The following PRKN variants were observed in gnomAD, a reference collection of about 807,000 sequenced individuals.
The protein encoded by PRKN is parkin RBR E3 ubiquitin protein ligase.
PRKN carries 56 observed loss-of-function variants against 59.5 expected under a neutral mutation model. The observed-to-expected ratio is 0.94, with a 90% CI of 0.76 to 1.18. The LOEUF is 1.18. Among genes scored for constraint, PRKN ranks in the 50% most tolerant of loss-of-function variants. The pLI is 0.00. For synonymous variants in PRKN, 250 were observed against 222.1 expected (o/e 1.13, Z -1.12); for missense variants, 657 against 596.4 (o/e 1.10, Z -1.06).
At chr6:162,402,490 G>C (rs1183118235) in intron 2 of PRKN, among the ~76,000 whole-genome samples, 2 of 151,798 alleles carry the variant, frequency 1.3e-5, no homozygotes, top group African/African-American at 2.4e-5. Flanking sequence ...AGGGCTCTTA[G>C]CTTAATTCAT....
At chr6:161,776,709 A>G (rs952079978) in intron 7 of PRKN, among the ~76,000 whole-genome samples, 1 of 152,150 alleles carries the variant, frequency 6.6e-6, no homozygotes, top group Admixed American at 6.5e-5. Flanking sequence ...ACTGAAAAGC[A>G]TATCTGGGGT....
At chr6:161,777,683 A>AT (rs1219188620) in intron 7 of PRKN, among the ~76,000 whole-genome samples, 1 of 143,420 alleles carries the variant, frequency 7.0e-6, no homozygotes, top group African/African-American at 2.6e-5. Flanking sequence ...ATATATATAT[A>AT]ATATATATAT....
rs1330377189 is a variant in PRKN at position 161,428,750 on chromosome 6, C to G, written c.1084-41873G>C. On this transcript the variant is annotated intron_variant, in intron 9 of 11. Transcript: ENST00000366898. This position sits in a 1 kb window ranked among gnomAD's most constrained non-coding sequence, Gnocchi z 4.0. ...TTCTTTCATTTTTCTGCCTGAGTAC[C>G]TCTACCTTGGAAAACCTCCATCTTG... Among the ~76,000 whole-genome samples the G allele has an allele frequency of 6.6e-6, 1 of 152,162 alleles. No homozygotes were observed. Among genetic ancestry groups the G allele is most frequent in the Non-Finnish European group, 1.5e-5 (1 of 68,038 alleles).
At chr6:162,285,293 C>T (rs1048940878) in intron 2 of PRKN, among the ~76,000 whole-genome samples, 14 of 97,400 alleles carry the variant, frequency 1.4e-4, no homozygotes, top group Non-Finnish European at 1.8e-4. Context: ...TTTTTTTTTC[C>T]GAGAGGGCCT....
At position 161,581,901 on chromosome 6, in the gene PRKN, A is replaced by T. The variant is rs1228262968; in HGVS notation, c.872-12485T>A. Among the ~76,000 whole-genome samples, 1 of 152,206 alleles carries T rather than the reference A, an allele frequency of 6.6e-6. No individual in the cohort carries two copies. The stretch of plus-strand genomic sequence containing the variant: ...ACTGCGCAGAGAGCTGAGGACACAC[A>T]TTAATGAAACAGTCCACTCTTCACA... On this transcript the variant is annotated intron_variant, in intron 7 of 11. Coordinates refer to ENST00000366898, the MANE Select transcript of PRKN (RefSeq NM_004562.3). This position sits in a 1 kb window ranked among gnomAD's most constrained non-coding sequence, Gnocchi z 4.5.
At chr6:162,623,850 T>C (rs1291504746) in intron 1 of PRKN, among the ~76,000 whole-genome samples, 1 of 152,106 alleles carries the variant, frequency 6.6e-6, no homozygotes, top group African/African-American at 2.4e-5. Context: ...AAAACTGAAG[T>C]ACAGTTGTTT....
chr6:162,256,159 C>T (rs1779631345), intron 3 of PRKN, among the ~76,000 whole-genome samples: 1 of 152,002 alleles, frequency 6.6e-6, no homozygotes, highest in African/African-American at 2.4e-5. Context: ...GAGTTTGGGC[C>T]TGATTCTGTG....
chr6:162,726,578 A>T (rs989067995), intron 1 of PRKN, among the ~76,000 whole-genome samples: 4 of 152,206 alleles, frequency 2.6e-5, no homozygotes, highest in African/African-American at 7.2e-5. Flanking sequence ...GATGGGGAGA[A>T]TGTTTACATT....
chr6:161,673,207 A>T (rs1784971210), intron 7 of PRKN, among the ~76,000 whole-genome samples: 1 of 152,192 alleles, frequency 6.6e-6, no homozygotes, highest in Non-Finnish European at 1.5e-5. Flanking sequence ...GGCAAGACAG[A>T]GCCCACCATG....
intron 6 of PRKN, among the ~76,000 whole-genome samples, chr6:161,802,017 C>T (rs1026343381): frequency 2.0e-5 from 3 of 152,120 alleles, no homozygotes; most frequent in Middle Eastern, 3.2e-3. Flanking sequence ...GTGACATACA[C>T]AAACAAGGAA....
intron 7 of PRKN, among the ~76,000 whole-genome samples, chr6:161,744,885 T>C (rs893016295): frequency 3.3e-5 from 5 of 152,222 alleles, no homozygotes; most frequent in Admixed American, 3.3e-4. Flanking sequence ...CTCCCATTAT[T>C]ACCACATGCT....
intron 9 of PRKN, among the ~76,000 whole-genome samples, chr6:161,452,427 CA>C (rs1287121270): frequency 6.6e-6 from 1 of 152,202 alleles, no homozygotes; most frequent in African/African-American, 2.4e-5. Context: ...TCCCTAGCCT[CA>C]GTCAATTACT....
intron 1 of PRKN, among the ~76,000 whole-genome samples, chr6:162,472,814 A>ATATATATATATATATATATATATC: frequency 7.0e-6 from 1 of 143,804 alleles, no homozygotes; most frequent in South Asian, 2.3e-4. Flanking sequence ...TTATATATAT[A>ATATATATATATATATATATATATC]TATCTTAGTA....
intron 7 of PRKN, among the ~76,000 whole-genome samples, chr6:161,658,326 C>T (rs970149027): frequency 6.6e-6 from 1 of 152,154 alleles, no homozygotes; most frequent in African/African-American, 2.4e-5. Context: ...GAGATCGCAT[C>T]ACCTTTCAAT....
intron 6 of PRKN, among the ~76,000 whole-genome samples, chr6:161,869,699 G>A (rs1046823836): frequency 6.6e-6 from 1 of 152,118 alleles, no homozygotes; most frequent in Non-Finnish European, 1.5e-5. Flanking sequence ...TAATCACCAA[G>A]CCTTGTGGAT....
At chr6:162,458,131 G>A (rs1359769536) in intron 1 of PRKN, among the ~76,000 whole-genome samples, 2 of 139,828 alleles carry the variant, frequency 1.4e-5, no homozygotes, top group Admixed American at 7.1e-5. Flanking sequence ...GCACACACCT[G>A]TAATCCCCAG....
At chr6:162,529,376 C>G (rs976994838) in intron 1 of PRKN, among the ~76,000 whole-genome samples, 5 of 152,262 alleles carry the variant, frequency 3.3e-5, no homozygotes, top group Middle Eastern at 3.4e-3. Flanking sequence ...CTCCTCCACA[C>G]TCTCCAAATT....
At chr6:162,176,057 T>G (rs1485678239) in intron 4 of PRKN, among the ~76,000 whole-genome samples, 1 of 152,190 alleles carries the variant, frequency 6.6e-6, no homozygotes, top group African/African-American at 2.4e-5. Flanking sequence ...AGAACACATC[T>G]TTGCCACCCT....
intron 5 of PRKN, among the ~76,000 whole-genome samples, chr6:162,002,913 C>A (rs9365359): frequency 0.56 from 84,369 of 151,866 alleles, 23,560 homozygotes; most frequent in Admixed American, 0.62. Context: ...ATTTCCACGT[C>A]TTTTGGGATT....
Sources: allele counts gnomAD v4.1 joint callset (sites outside exome capture counted in the v4.1 genomes callset), GRCh38; gene constraint gnomAD v4.1.1; non-coding constraint Gnocchi (gnomAD v3.1); transcripts MANE v1.5; gene names NCBI Gene and HGNC (gene_info 2026-07-23, HGNC 2026-07-21).